The following TTLL5 variants were observed in gnomAD, a reference collection of about 807,000 sequenced individuals.
The protein encoded by TTLL5 is tubulin polyglutamylase TTLL5.
TTLL5 carries 132 observed loss-of-function variants against 168.4 expected under a neutral mutation model. That is an observed-to-expected ratio of 0.78 (90% CI 0.68 to 0.91). The LOEUF is 0.91. Ranked by LOEUF, TTLL5 falls within the 40% of genes least tolerant of loss-of-function variation. The pLI is 0.00. For synonymous variants in TTLL5, 546 were observed against 558.6 expected (o/e 0.98, Z 0.32); for missense variants, 1,545 against 1,581.5 (o/e 0.98, Z 0.39).
intron 15 of TTLL5, 40 bp from the exon 16 acceptor site, chr14:75,745,055 T>TA (rs1258589256): frequency 1.3e-6 from 2 of 1,566,078 alleles, no homozygotes; most frequent in Non-Finnish European, 1.7e-6. Flanking sequence ...AATGAAAACT[T>TA]AAAAAATTTT....
At chr14:75,878,671 G>A (rs1012913351) in intron 29 of TTLL5, among the ~76,000 whole-genome samples, 29 of 152,158 alleles carry the variant, frequency 1.9e-4, no homozygotes, top group Non-Finnish European at 1.9e-4. Context: ...AGGGAGAAGC[G>A]ATTTTATCTA....
rs184010046 is a variant in TTLL5, at chr14:75,924,744, T to C, written c.3823+22520T>C. 9.1e-3 allele frequency among the ~76,000 whole-genome samples: 1,381 copies of C among 152,058 alleles called. 30 individuals are homozygous for C. Among genetic ancestry groups the C allele is most frequent in the Middle Eastern group, 0.017 (5 of 294 alleles). On this transcript the variant is annotated intron_variant, in intron 31 of 31. Coordinates refer to ENST00000298832, the MANE Select transcript of TTLL5 (RefSeq NM_015072.5). ...ATCTTTTCCCCATCCTTCCCCCCTT[T>C]CTATTCCACAAAACCGCCATTGTCA...
chr14:75,842,403 G>A (rs759497735), intron 28 of TTLL5, among the ~76,000 whole-genome samples: 11 of 152,146 alleles, frequency 7.2e-5, no homozygotes, highest in South Asian at 4.2e-4. Flanking sequence ...AGAGGAGGCC[G>A]AGAAGCAGGA....
intron 21 of TTLL5, among the ~76,000 whole-genome samples, chr14:75,773,935 G>T (rs1452326828): frequency 3.3e-3 from 96 of 28,936 alleles, no homozygotes; most frequent in East Asian, 0.012. Context: ...TATAGAGAGA[G>T]AGAGAGAGAG....
intron 28 of TTLL5, among the ~76,000 whole-genome samples, chr14:75,824,743 T>C (rs191423111): frequency 0.011 from 1,684 of 150,214 alleles, 18 homozygotes; most frequent in Middle Eastern, 0.027. Flanking sequence ...TTTTTTTTTT[T>C]AAACAAAGAA....
chr14:75,817,812 TTTC>T (rs200768405), intron 27 of TTLL5, among the ~76,000 whole-genome samples: 1 of 138,626 alleles, frequency 7.2e-6, no homozygotes, highest in African/African-American at 3.1e-5. Context: ...ACAACCATTC[TTTC>T]TTTTCTTTTC....
intron 27 of TTLL5, among the ~76,000 whole-genome samples, chr14:75,793,887 T>C (rs1268298580): frequency 6.6e-6 from 1 of 152,246 alleles, no homozygotes. Context: ...TCCACAGTTA[T>C]ATTTTGCTAT....
rs368944443 is a variant in TTLL5, at chr14:75,681,814, G to A, written c.264+187G>A. On this transcript the variant is annotated intron_variant, in intron 4 of 31. Coordinates refer to ENST00000298832, the MANE Select transcript of TTLL5 (RefSeq NM_015072.5). Reference sequence around the variant, plus strand: ...TTTCTGCTTGCAATACATGGAAAACGTTTCCAGATGATTTTAGAAAAAAAT... The same window carrying A: ...TTTCTGCTTGCAATACATGGAAAACATTTCCAGATGATTTTAGAAAAAAAT... Among the ~76,000 whole-genome samples, 40 of 152,054 alleles carry A rather than the reference G, an allele frequency of 2.6e-4. No individual in the cohort carries two copies. The East Asian group carries it at 2.9e-3, about 11-fold the overall frequency.
At chr14:75,743,938 T>C (rs956418039) in intron 15 of TTLL5, among the ~76,000 whole-genome samples, 3 of 152,070 alleles carry the variant, frequency 2.0e-5, no homozygotes, top group African/African-American at 7.2e-5. Context: ...CTCTCATGAC[T>C]TCATCTGACT....
rs557185668 is a variant in TTLL5 at position 75,792,446 on chromosome 14, T to C, written c.2987-470T>C. On this transcript the variant is annotated intron_variant, in intron 26 of 31. Coordinates refer to ENST00000298832, the MANE Select transcript of TTLL5 (RefSeq NM_015072.5). ...GAAAATATAAGATTATTGTTATTTT[T>C]CTGAGTATACTCGATTTTGTTTTTA... 2.6e-5 allele frequency among the ~76,000 whole-genome samples: 4 copies of C among 152,200 alleles called. No individual in the cohort carries two copies. In the South Asian group the frequency reaches 8.3e-4, roughly 32 times the overall value.
intron 26 of TTLL5, among the ~76,000 whole-genome samples, chr14:75,790,720 C>T (rs562322616): frequency 6.6e-6 from 1 of 151,786 alleles, no homozygotes; most frequent in African/African-American, 2.4e-5. Context: ...CTGCCTCAGC[C>T]TCCCAAAGTG....
Position 75,752,903 on chromosome 14 carries a change from G to C in TTLL5, c.1498G>C (p.Glu500Gln). 1 of 1,612,898 alleles carries C rather than the reference G, an allele frequency of 6.2e-7. No homozygotes were observed. Among genetic ancestry groups the C allele is most frequent in the Non-Finnish European group, 8.5e-7 (1 of 1,179,382 alleles). ...ETWEIYGSYLEHKTSMNYMLA... is the reference protein window; with the variant it reads ...ETWEIYGSYLQHKTSMNYMLA... ...TTCTTTGCTTTTCAGGTCCTACCTC[G>C]AGCATAAGACCTCAATGAACTATAT... The change falls in exon 18 of 32, where the codon GAG becomes CAG. Residue 500 changes from glutamate to glutamine, a missense_variant. Coordinates refer to ENST00000298832, the MANE Select transcript of TTLL5 (RefSeq NM_015072.5).
intron 31 of TTLL5, among the ~76,000 whole-genome samples, chr14:75,910,056 T>C (rs144704246): frequency 6.6e-6 from 1 of 152,306 alleles, no homozygotes; most frequent in African/African-American, 2.4e-5. Flanking sequence ...TTCATTGGCC[T>C]TGAAGAAAAC....
At chr14:75,823,148 C>T (rs1415148552) in intron 28 of TTLL5, among the ~76,000 whole-genome samples, 5 of 152,196 alleles carry the variant, frequency 3.3e-5, no homozygotes, top group South Asian at 2.1e-4. Context: ...TTTATGACCT[C>T]TCTCTTCCTT....
intron 28 of TTLL5, among the ~76,000 whole-genome samples, chr14:75,843,095 C>T (rs778749473): frequency 1.3e-5 from 2 of 152,176 alleles, no homozygotes; most frequent in African/African-American, 4.8e-5. Context: ...ATATTTTCTC[C>T]CCTTGCTGTC....
chr14:75,691,448 G>A (rs753935800), intron 6 of TTLL5, among the ~76,000 whole-genome samples: 3 of 152,186 alleles, frequency 2.0e-5, no homozygotes, highest in Non-Finnish European at 2.9e-5. Context: ...TTACTTTCTA[G>A]TAGGCACCTC....
At chr14:75,771,974 TAAG>T (rs2140309522) in intron 21 of TTLL5, 120 bp downstream of exon 21, 1 of 1,151,236 alleles carries the variant, frequency 8.7e-7, no homozygotes, top group Non-Finnish European at 1.2e-6. Context: ...GATTATTATG[TAAG>T]AAGGTTTTTA....
rs147425739 is a variant in TTLL5, at chr14:75,836,837, C to T, written c.3326+16676C>T. Among the ~76,000 whole-genome samples the T allele has an allele frequency of 1.1e-4, 16 of 152,196 alleles. No homozygotes were observed. In the East Asian group the frequency reaches 3.1e-3, roughly 29 times the overall value. ...CTTTAATGAAGAGATGTGTTGTAAT[C>T]CAGTGATAGACCATCATGAAAATAT... On this transcript the variant is annotated intron_variant, in intron 28 of 31. Transcript: ENST00000298832.
At chr14:75,827,278 T>A (rs558363733) in intron 28 of TTLL5, among the ~76,000 whole-genome samples, 1 of 152,308 alleles carries the variant, frequency 6.6e-6, no homozygotes, top group East Asian at 1.9e-4. Context: ...TACAATAAAA[T>A]ACAGTATTAT....
Sources: gnomAD v4.1 joint callset for allele counts (sites outside exome capture counted in the v4.1 genomes callset) on GRCh38, gnomAD v4.1.1 for gene constraint, MANE v1.5 for transcripts, NCBI Gene and HGNC (gene_info 2026-07-23, HGNC 2026-07-21) for gene names.